Variants in ADK observed in about 807,000 individuals in gnomAD.
ADK encodes the protein N6,N6-dimethyladenosine kinase.
In ADK, 24 loss-of-function variants were observed where a neutral mutation model predicts 44.7. The ratio of observed to expected loss-of-function variants is 0.54; its 90% CI spans 0.39 to 0.76. ADK has a LOEUF of 0.76. Among genes scored for constraint, ADK ranks in the 30% least tolerant of loss-of-function variants. The pLI is 0.00. For synonymous variants in ADK, 128 were observed against 142.6 expected (o/e 0.90, Z 0.73); for missense variants, 321 against 425.1 (o/e 0.76, Z 2.15).
At chr10:74,377,856 C>T (rs1358780417) in intron 4 of ADK, among the ~76,000 whole-genome samples, 1 of 152,162 alleles carries the variant, frequency 6.6e-6, no homozygotes, top group Non-Finnish European at 1.5e-5. Flanking sequence ...TAAAGTTTTT[C>T]TGGGGCCTCC....
At chr10:74,280,468 G>T (rs1846894273) in intron 3 of ADK, among the ~76,000 whole-genome samples, 1 of 137,224 alleles carries the variant, frequency 7.3e-6, no homozygotes, top group South Asian at 2.2e-4. Context: ...GTTGGGGCTT[G>T]CCTTGTAGCC....
Position 74,268,555 on chromosome 10 carries a change from C to T in ADK, c.194+43964C>T, listed in dbSNP as rs755720624. ...AGATAATGTGTGTGAAATACCTAGCCTAGTGCCTGGCATATATTAGATATT... is the reference window on the plus strand; with the variant it reads ...AGATAATGTGTGTGAAATACCTAGCTTAGTGCCTGGCATATATTAGATATT... On this transcript the variant is annotated intron_variant, in intron 3 of 10. Coordinates refer to ENST00000539909, the MANE Select transcript of ADK (RefSeq NM_006721.4). Among the ~76,000 whole-genome samples, 9 of 152,168 alleles carry T rather than the reference C, an allele frequency of 5.9e-5. No individual in the cohort carries two copies. The South Asian group carries it at 6.2e-4, about 11-fold the overall frequency.
intron 6 of ADK, among the ~76,000 whole-genome samples, chr10:74,462,390 T>TG (rs1263540565): frequency 6.6e-6 from 1 of 152,148 alleles, no homozygotes; most frequent in Non-Finnish European, 1.5e-5. Context: ...TCTAAAATTT[T>TG]GTAAATCAAC....
chr10:74,369,835 A>C (rs187821183), intron 4 of ADK, among the ~76,000 whole-genome samples: 1 of 152,304 alleles, frequency 6.6e-6, no homozygotes. Flanking sequence ...AAAAAACAGA[A>C]GTAAATCAAT....
Position 74,153,943 on chromosome 10 carries a change from A to G in ADK, c.65+2600A>G, listed in dbSNP as rs117635749. Among the ~76,000 whole-genome samples, 1,437 of 152,146 alleles carry G rather than the reference A, an allele frequency of 9.4e-3. 17 individuals are homozygous for G. Among genetic ancestry groups the G allele is most frequent in the South Asian group, 0.018 (88 of 4,810 alleles). ...TTTTAGACATGGTGTTAAAAACTGG[A>G]TATATATAGAGAGAGAAAGAGGTAA... On this transcript the variant is annotated intron_variant, in intron 1 of 10. Transcript: ENST00000539909.
intron 1 of ADK, among the ~76,000 whole-genome samples, chr10:74,151,657 T>C (rs10824084): frequency 0.18 from 27,885 of 151,752 alleles, 3,132 homozygotes; most frequent in African/African-American, 0.32. Context: ...CCCCGGAGGG[T>C]CGGACCGGAG....
intron 4 of ADK, among the ~76,000 whole-genome samples, chr10:74,374,768 C>G (rs940386441): frequency 6.6e-6 from 1 of 152,064 alleles, no homozygotes; most frequent in Non-Finnish European, 1.5e-5. Context: ...ATGAGTTTCT[C>G]TATGTATAAT....
At chr10:74,179,932 G>C (rs1162275472) in intron 1 of ADK, among the ~76,000 whole-genome samples, 4 of 152,018 alleles carry the variant, frequency 2.6e-5, no homozygotes, top group Non-Finnish European at 2.9e-5. Flanking sequence ...TTCCCATTTT[G>C]TGCTCAGTCT....
intron 7 of ADK, among the ~76,000 whole-genome samples, chr10:74,551,202 G>C (rs1418850439): frequency 9.9e-5 from 15 of 152,154 alleles, no homozygotes; most frequent in Admixed American, 9.8e-4. Flanking sequence ...ATTGGGATCA[G>C]TGGATATTCA....
At chr10:74,267,173 G>T (rs1040268041) in intron 3 of ADK, among the ~76,000 whole-genome samples, 2 of 152,168 alleles carry the variant, frequency 1.3e-5, no homozygotes, top group Non-Finnish European at 2.9e-5. Flanking sequence ...AAACAGCACA[G>T]GTTTGAACTG....
intron 6 of ADK, among the ~76,000 whole-genome samples, chr10:74,433,359 A>G (rs1455977047): frequency 6.6e-6 from 1 of 152,196 alleles, no homozygotes; most frequent in Non-Finnish European, 1.5e-5. Flanking sequence ...ATGCTAACCA[A>G]AGTGCTTTTC....
chr10:74,274,551 C>A (rs1846584534), intron 3 of ADK, among the ~76,000 whole-genome samples: 1 of 150,774 alleles, frequency 6.6e-6, no homozygotes. Context: ...GCGACAAGAG[C>A]AAGACTCTGT....
chr10:74,587,445 T>A (rs1008828948), intron 7 of ADK, among the ~76,000 whole-genome samples: 1 of 152,246 alleles, frequency 6.6e-6, no homozygotes, highest in African/African-American at 2.4e-5. Flanking sequence ...TTAGCTGTAA[T>A]CATACATTTT....
At chr10:74,463,128 T>C (rs1343891855) in intron 6 of ADK, among the ~76,000 whole-genome samples, 1 of 152,170 alleles carries the variant, frequency 6.6e-6, no homozygotes, top group African/African-American at 2.4e-5. Context: ...TTTATTAGAT[T>C]CACCAGTGTT....
chr10:74,394,732 A>G (rs1277976321), intron 5 of ADK, among the ~76,000 whole-genome samples: 4 of 152,126 alleles, frequency 2.6e-5, no homozygotes, highest in Non-Finnish European at 5.9e-5. Flanking sequence ...TGTGTATTTT[A>G]TGTATATAAA....
At chr10:74,575,117 T>G (rs542829853) in intron 7 of ADK, among the ~76,000 whole-genome samples, 1 of 152,224 alleles carries the variant, frequency 6.6e-6, no homozygotes, top group African/African-American at 2.4e-5. Context: ...CAAGTCAGTG[T>G]CAATCTAATG....
chr10:74,591,703 TA>T (rs1205737105), intron 8 of ADK, among the ~76,000 whole-genome samples: 1 of 152,192 alleles, frequency 6.6e-6, no homozygotes, highest in East Asian at 1.9e-4. Flanking sequence ...TGTGACAAAC[TA>T]GACAAAAATC....
intron 6 of ADK, among the ~76,000 whole-genome samples, chr10:74,474,429 GTCTTT>G (rs1298656178): frequency 5.3e-5 from 8 of 152,054 alleles, no homozygotes; most frequent in South Asian, 2.1e-4. Flanking sequence ...AAATTCAGTA[GTCTTT>G]TCTTTTCTTT....
At chr10:74,511,017 C>T (rs1291815195) in intron 6 of ADK, among the ~76,000 whole-genome samples, 1 of 152,122 alleles carries the variant, frequency 6.6e-6, no homozygotes, top group Non-Finnish European at 1.5e-5. Flanking sequence ...CTCTTTGATC[C>T]ACTTTGAGTT....
Sources: gnomAD v4.1 joint callset for allele counts (sites outside exome capture counted in the v4.1 genomes callset) on GRCh38, gnomAD v4.1.1 for gene constraint, MANE v1.5 for transcripts, NCBI Gene and HGNC (gene_info 2026-07-23, HGNC 2026-07-21) for gene names.